DPYD: variants seen among roughly 807,000 people sequenced by gnomAD.
DPYD encodes dihydropyrimidine dehydrogenase [NADP(+)].
In DPYD, 109 loss-of-function variants were observed where a neutral mutation model predicts 116.2. That is an observed-to-expected ratio of 0.94 (90% CI 0.80 to 1.10). DPYD has a LOEUF of 1.10. Ranked by LOEUF, DPYD falls within the 50% of genes least tolerant of loss-of-function variation. The probability of loss-of-function intolerance (pLI) is 0.00; values close to 1 mark genes in which losing one functional copy is unlikely to be tolerated. For synonymous variants in DPYD, 440 were observed against 432.0 expected, an observed-to-expected ratio of 1.02 and a Z score of -0.23; for missense variants, 1,302 against 1,254.5, an observed-to-expected ratio of 1.04 and a Z score of -0.57.
At chr1:97,488,372 A>T (rs1301573114) in intron 13 of DPYD, among the ~76,000 whole-genome samples, 1 of 152,164 alleles carries the variant, frequency 6.6e-6, no homozygotes, top group Admixed American at 6.6e-5. Flanking sequence ...CTGTGGTGGT[A>T]AATACATGAA....
intron 20 of DPYD, among the ~76,000 whole-genome samples, chr1:97,123,321 C>T (rs1355660049): frequency 6.6e-6 from 1 of 152,044 alleles, no homozygotes; most frequent in Non-Finnish European, 1.5e-5. Flanking sequence ...TTCTAATAAA[C>T]TCTGCTTCTA....
At chr1:97,685,266 G>T (rs1032114448) in intron 7 of DPYD, among the ~76,000 whole-genome samples, 4 of 152,198 alleles carry the variant, frequency 2.6e-5, no homozygotes, top group African/African-American at 9.7e-5. Flanking sequence ...AATAGATGCA[G>T]AAAAGTCCTT....
intron 1 of DPYD, among the ~76,000 whole-genome samples, chr1:97,886,657 C>T (rs2101650073): frequency 6.6e-6 from 1 of 152,144 alleles, no homozygotes; most frequent in Non-Finnish European, 1.5e-5. Context: ...AGACACAAGC[C>T]ATAAGAACAG....
chr1:97,900,593 G>A (rs1388119222), intron 1 of DPYD, among the ~76,000 whole-genome samples: 1 of 151,836 alleles, frequency 6.6e-6, no homozygotes, highest in Non-Finnish European at 1.5e-5. Flanking sequence ...TTCAAAGAAT[G>A]ATCAATGGAA....
intron 14 of DPYD, among the ~76,000 whole-genome samples, chr1:97,423,008 C>T (rs1298282392): frequency 6.6e-6 from 1 of 151,908 alleles, no homozygotes; most frequent in Non-Finnish European, 1.5e-5. Flanking sequence ...GAATATCATA[C>T]ATCAAGGTCC....
intron 1 of DPYD, among the ~76,000 whole-genome samples, chr1:97,910,724 C>T (rs1249944807): frequency 2.0e-5 from 3 of 152,094 alleles, no homozygotes; most frequent in African/African-American, 4.8e-5. Context: ...TTATCTGTTA[C>T]TCATCATCAA....
At chr1:97,760,270 C>A (rs1322721585) in intron 3 of DPYD, among the ~76,000 whole-genome samples, 1 of 152,080 alleles carries the variant, frequency 6.6e-6, no homozygotes, top group Non-Finnish European at 1.5e-5. Flanking sequence ...AGCCCATCTT[C>A]ATTCCAAATA....
intron 14 of DPYD, among the ~76,000 whole-genome samples, chr1:97,404,884 T>C (rs1022272966): frequency 5.3e-5 from 8 of 151,990 alleles, no homozygotes; most frequent in Admixed American, 1.3e-4. Context: ...CCGTCTTTTG[T>C]GGTTGTATTT....
At chr1:97,696,045 A>C (rs998284200) in intron 6 of DPYD, among the ~76,000 whole-genome samples, 2 of 151,716 alleles carry the variant, frequency 1.3e-5, no homozygotes, top group African/African-American at 4.8e-5. Context: ...CAGAAGAATC[A>C]CTTGAATCCC....
chr1:97,682,111 T>C (rs1012934363), intron 7 of DPYD, among the ~76,000 whole-genome samples: 3 of 152,066 alleles, frequency 2.0e-5, no homozygotes, highest in Non-Finnish European at 4.4e-5. Flanking sequence ...GTCTTTGATT[T>C]TGTAATATAT....
rs1039187639 is a variant in DPYD, at chr1:97,347,525, G to T, written c.2058+26036C>A. Among the ~76,000 whole-genome samples the T allele has an allele frequency of 2.0e-5, 3 of 151,902 alleles. No individual in the cohort carries two copies. In the South Asian group the frequency reaches 6.2e-4, roughly 31 times the overall value. ...TTTTTAATCTTTTAATATGTTGCTG[G>T]ATTCTGCATGTTAACATTTTGTTTC... is the stretch of plus-strand genomic sequence containing the variant. On this transcript the variant is annotated intron_variant, in intron 16 of 22. Coordinates refer to ENST00000370192, the MANE Select transcript of DPYD (RefSeq NM_000110.4).
chr1:97,623,127 T>TA (rs2100775298), intron 8 of DPYD, among the ~76,000 whole-genome samples: 2 of 152,184 alleles, frequency 1.3e-5, no homozygotes, highest in African/African-American at 4.8e-5. Context: ...AGTCCAAGGA[T>TA]ATTGGCAATG....
chr1:97,588,146 C>G (rs1264190085), intron 10 of DPYD, among the ~76,000 whole-genome samples: 1 of 152,106 alleles, frequency 6.6e-6, no homozygotes, highest in South Asian at 2.1e-4. Flanking sequence ...ATTATCAAAA[C>G]AGTTAACCCT....
At chr1:97,717,553 A>G (rs1369600085) in intron 5 of DPYD, among the ~76,000 whole-genome samples, 1 of 152,026 alleles carries the variant, frequency 6.6e-6, no homozygotes, top group East Asian at 1.9e-4. Flanking sequence ...CAAGTAGTGT[A>G]CACTGTACCC....
intron 2 of DPYD, among the ~76,000 whole-genome samples, chr1:97,881,797 T>C (rs111983855): frequency 0.033 from 4,978 of 151,878 alleles, 126 homozygotes; most frequent in Middle Eastern, 0.065. Context: ...ATTAGAGATT[T>C]AGGCTTGATA....
At chr1:97,641,854 T>A (rs1657927878) in intron 8 of DPYD, among the ~76,000 whole-genome samples, 1 of 152,132 alleles carries the variant, frequency 6.6e-6, no homozygotes, top group Non-Finnish European at 1.5e-5. Context: ...GAAAACCCCA[T>A]CGTCTCAGCC....
intron 8 of DPYD, among the ~76,000 whole-genome samples, chr1:97,603,819 TTATGTAATAATTGTTAACA>T (rs1251698870): frequency 6.6e-6 from 1 of 152,158 alleles, no homozygotes; most frequent in Non-Finnish European, 1.5e-5. Context: ...TTGAAAAACT[TTATGTAATAATTGTTAACA>T]TATCATGCAT....
chr1:97,303,575 G>C (rs964640779), intron 18 of DPYD, among the ~76,000 whole-genome samples: 1 of 151,930 alleles, frequency 6.6e-6, no homozygotes, highest in Non-Finnish European at 1.5e-5. Flanking sequence ...TATTATCATT[G>C]CCTATTTAAA....
At chr1:97,082,585 G>C in intron 21 of DPYD, 115 bp from the exon 22 acceptor site, 2 of 1,213,040 alleles carry the variant, frequency 1.6e-6, no homozygotes, top group Non-Finnish European at 2.4e-6. Context: ...ATTAACTTGG[G>C]AGACTGGATA....
Sources: allele counts gnomAD v4.1 joint callset (sites outside exome capture counted in the v4.1 genomes callset), GRCh38; gene constraint gnomAD v4.1.1; transcripts MANE v1.5; gene names NCBI Gene and HGNC (gene_info 2026-07-23, HGNC 2026-07-21).